SCML2: variants seen among roughly 807,000 people sequenced by gnomAD.
SCML2 encodes the protein sex comb on midleg-like protein 2.
Under a neutral mutation model 48.4 loss-of-function variants are expected in SCML2, and 6 were observed. The observed-to-expected ratio is 0.12, with a 90% confidence interval of 0.07 to 0.24. The LOEUF is 0.24. Among genes scored for constraint, SCML2 ranks in the 10% least tolerant of loss-of-function variants. The pLI is 1.00. For synonymous variants in SCML2, 181 were observed against 189.5 expected (o/e 0.95, Z 0.37); for missense variants, 377 against 528.2 (o/e 0.71, Z 2.81).
chrX:18,249,365 T>C (rs1289296782), intron 11 of SCML2, among the ~76,000 whole-genome samples: 1 of 111,211 alleles, frequency 9.0e-6, no homozygotes, highest in Non-Finnish European at 1.9e-5. Flanking sequence ...CATGCGATAA[T>C]CGCTGGAGGG....
At chrX:18,317,142 A>G (rs776431183) in intron 6 of SCML2, among the ~76,000 whole-genome samples, 1 of 111,572 alleles carries the variant, frequency 9.0e-6, no homozygotes, top group East Asian at 2.8e-4. Context: ...CTGGTTTTTA[A>G]CTCCTGGGCT....
chrX:18,308,097 GAA>G (rs1248952714), intron 6 of SCML2, among the ~76,000 whole-genome samples: 1 of 72,737 alleles, frequency 1.4e-5, no homozygotes. Flanking sequence ...CGTCTCAAAA[GAA>G]AAAAAAAAAA....
intron 11 of SCML2, 70 bp downstream of exon 11, chrX:18,256,778 A>G (rs774668144): frequency 1.1e-6 from 1 of 877,001 alleles, no homozygotes; most frequent in Non-Finnish European, 1.5e-6. Context: ...TTTGAGGAGA[A>G]CACAAGGAAA....
At chrX:18,336,519 G>A (rs917914277) in intron 1 of SCML2, among the ~76,000 whole-genome samples, 1 of 106,847 alleles carries the variant, frequency 9.4e-6, no homozygotes, top group African/African-American at 3.4e-5. Context: ...GGGGGATCAC[G>A]AGGTCAGGAG....
In SCML2 at chrX:18,245,287, C is replaced by A. The variant is rs1194137919; in HGVS notation, c.1822+1290G>T. 2.7e-5 allele frequency among the ~76,000 whole-genome samples: 3 copies of A among 111,958 alleles called. No homozygotes were observed. In the Admixed American group the frequency reaches 2.9e-4, roughly 11 times the overall value. ...GACCAGAAGCTAGCCGTCTGATGCC[C>A]CAATACCGGCTACCTTAGTGTTTGA... On this transcript the variant is annotated intron_variant, in intron 13 of 14. Transcript: ENST00000251900.
At chrX:18,285,822 T>C (rs1017278158) in intron 7 of SCML2, among the ~76,000 whole-genome samples, 2 of 111,899 alleles carry the variant, frequency 1.8e-5, no homozygotes, top group Non-Finnish European at 3.8e-5. Context: ...ATAGTCTTTC[T>C]TGACAATTTA....
intron 1 of SCML2, among the ~76,000 whole-genome samples, chrX:18,343,278 A>C (rs1294490339): frequency 4.6e-5 from 5 of 107,765 alleles, no homozygotes; most frequent in African/African-American, 1.7e-4. Flanking sequence ...AAACATTTTG[A>C]CAAGGACAGG....
intron 6 of SCML2, among the ~76,000 whole-genome samples, chrX:18,319,933 CAAG>C (rs765283208): frequency 1.8e-5 from 2 of 111,650 alleles, no homozygotes; most frequent in East Asian, 5.7e-4. Context: ...ATCTGGAAGC[CAAG>C]AAGAGAGATC....
chrX:18,262,208 T>A lies in SCML2; in HGVS notation c.949-1917A>T, dbSNP rs185290219. 1.0e-3 allele frequency among the ~76,000 whole-genome samples: 113 copies of A among 108,512 alleles called. 11 individuals carry two copies. Among genetic ancestry groups the A allele is most frequent in the African/African-American group, 3.9e-3 (110 of 28,394 alleles). The allele number at this position is 108,512 out of a possible 115,157, so 94.2% of individuals were successfully genotyped here. ...TCTATGTCTTTATATTTAGAGTGCA[T>A]CTCTTGTAGACAGGACATATTTGGG... On this transcript the variant is annotated intron_variant, in intron 8 of 14. Transcript: ENST00000251900.
Position 18,354,558 on chromosome X carries a change from T to C in SCML2, c.-25+34A>G, listed in dbSNP as rs1463500747. The C allele has an allele frequency of 6.6e-4, 174 of 264,660 alleles. 1 individual carries two copies. Among genetic ancestry groups the C allele is most frequent in the Middle Eastern group, 1.1e-3 (1 of 945 alleles). 21.8% of individuals were successfully genotyped at this position (264,660 alleles called of 1,213,427 possible). A position where few individuals can be genotyped will look rare whatever the true frequency, so the allele number is the denominator to read the frequency against. ...GGGGTCCGGGACACACCTCCGCCTC[T>C]CCATTCCTTACGGGGCCCGGAATCA... is the stretch of plus-strand genomic sequence containing the variant. On this transcript the variant is annotated intron_variant, in intron 1 of 14. Coordinates refer to ENST00000251900, the MANE Select transcript of SCML2 (RefSeq NM_006089.3).
chrX:18,277,753 C>CA lies in SCML2; in HGVS notation c.731-11952dup, dbSNP rs767231445. ...AATTTGAGGGAGCTTACATAAACCA[C>CA]AAAAAAAAAGAACAAAGTAGTACAG... On this transcript the variant is annotated intron_variant, in intron 7 of 14. Transcript: ENST00000251900. Among the ~76,000 whole-genome samples, 254 of 109,118 alleles carry CA rather than the reference C, an allele frequency of 2.3e-3. 1 individual carries two copies. The highest frequency in any genetic ancestry group is 8.1e-3 in the African/African-American group (245 of 30,076). The allele number at this position is 109,118 out of a possible 115,157, so 94.8% of individuals were successfully genotyped here.
chrX:18,288,584 T>G (rs951103890), intron 7 of SCML2, among the ~76,000 whole-genome samples: 1 of 112,121 alleles, frequency 8.9e-6, no homozygotes, highest in African/African-American at 3.2e-5. Context: ...AGAGGACATC[T>G]TTGAGATAAC....
At chrX:18,311,786 T>A (rs950924599) in intron 6 of SCML2, among the ~76,000 whole-genome samples, 1 of 102,600 alleles carries the variant, frequency 9.7e-6, no homozygotes, top group African/African-American at 3.6e-5. Flanking sequence ...GTGGGTTTTT[T>A]GTTTGTTTTG....
chrX:18,339,944 A>C (rs907984998), intron 1 of SCML2, among the ~76,000 whole-genome samples: 1 of 112,031 alleles, frequency 8.9e-6, no homozygotes, highest in Non-Finnish European at 1.9e-5. Flanking sequence ...ACACCCTTCA[A>C]ATTTTAAAAA....
chrX:18,338,961 G>A (rs1347006478), intron 1 of SCML2, among the ~76,000 whole-genome samples: 3 of 107,377 alleles, frequency 2.8e-5, no homozygotes, highest in Admixed American at 2.0e-4. Context: ...AGGCAGTGTA[G>A]GAACACCCAG....
intron 7 of SCML2, among the ~76,000 whole-genome samples, chrX:18,271,374 TC>T (rs1231244261): frequency 1.8e-4 from 20 of 109,470 alleles, no homozygotes; most frequent in Admixed American, 1.4e-3. Context: ...CTGCTTTCTG[TC>T]CTGTAACAAC....
At chrX:18,351,945 A>G (rs1285419404) in intron 1 of SCML2, among the ~76,000 whole-genome samples, 1 of 111,567 alleles carries the variant, frequency 9.0e-6, no homozygotes, top group Non-Finnish European at 1.9e-5. Flanking sequence ...GCACTTTACC[A>G]TCATTAATTA....
At chrX:18,305,657 G>T (rs992078572) in intron 6 of SCML2, among the ~76,000 whole-genome samples, 1 of 110,333 alleles carries the variant, frequency 9.1e-6, no homozygotes, top group African/African-American at 3.3e-5. Flanking sequence ...ATGTAAATTG[G>T]TGTGTCAAAA....
chrX:18,254,725 AC>A (rs761688656), intron 11 of SCML2, among the ~76,000 whole-genome samples: 257 of 111,392 alleles, frequency 2.3e-3, no homozygotes, highest in African/African-American at 8.0e-3. Flanking sequence ...GGAGTTTGAG[AC>A]CAGCCTGGTC....
Sources: gnomAD v4.1 joint callset for allele counts (sites outside exome capture counted in the v4.1 genomes callset) on GRCh38, gnomAD v4.1.1 for gene constraint, MANE v1.5 for transcripts, NCBI Gene and HGNC (gene_info 2026-07-23, HGNC 2026-07-21) for gene names.